PCDHGB5: variants seen among roughly 807,000 people sequenced by gnomAD.
PCDHGB5 encodes protocadherin gamma-B5.
In PCDHGB5, 48 loss-of-function variants were observed where a neutral mutation model predicts 62.9. That is an observed-to-expected ratio of 0.76 (90% CI 0.61 to 0.97). The LOEUF (loss-of-function observed/expected upper bound fraction) is 0.97, where lower values mean the gene tolerates loss of function less well. Ranked by LOEUF, PCDHGB5 falls within the 50% of genes least tolerant of loss-of-function variation. The pLI is 0.00. For missense variants in PCDHGB5, 1,118 were observed against 1,198.6 expected, an observed-to-expected ratio of 0.93 and a Z score of 0.99; for synonymous variants, 474 against 511.2, an observed-to-expected ratio of 0.93 and a Z score of 0.98.
intron 1 of PCDHGB5, among the ~76,000 whole-genome samples, chr5:141,462,069 C>T (rs555164288): frequency 4.3e-4 from 65 of 151,850 alleles, no homozygotes; most frequent in Non-Finnish European, 7.5e-4. Context: ...GTGATCTGCC[C>T]GCCTTGGCCT....
At chr5:141,413,012 A>T in intron 1 of PCDHGB5, 1 of 657,714 alleles carries the variant, frequency 1.5e-6, no homozygotes, top group Non-Finnish European at 2.5e-6. Context: ...GGCTTCAACT[A>T]CACAAGCCCC....
chr5:141,507,397 AC>A (rs1163501030), intron 3 of PCDHGB5: 1 of 152,144 alleles, frequency 6.6e-6, no homozygotes. Flanking sequence ...TGGCAACTCT[AC>A]CCCAGATGTC....
chr5:141,473,235 C>T (rs1322325327), intron 1 of PCDHGB5, among the ~76,000 whole-genome samples: 1 of 152,132 alleles, frequency 6.6e-6, no homozygotes, highest in Non-Finnish European at 1.5e-5. Flanking sequence ...TGGATCCACA[C>T]AAGTGAATAC....
At chr5:141,496,076 C>A (rs2099765713) in intron 2 of PCDHGB5, among the ~76,000 whole-genome samples, 1 of 152,010 alleles carries the variant, frequency 6.6e-6, no homozygotes, top group Non-Finnish European at 1.5e-5. Context: ...GCACACACAA[C>A]CCCCCACCCA....
chr5:141,500,394 A>G (rs1024641290), intron 2 of PCDHGB5, among the ~76,000 whole-genome samples: 1 of 151,922 alleles, frequency 6.6e-6, no homozygotes, highest in Non-Finnish European at 1.5e-5. Flanking sequence ...TATTTTTAGT[A>G]GAGACGGGGT....
intron 3 of PCDHGB5, among the ~76,000 whole-genome samples, chr5:141,507,817 G>C (rs1038461861): frequency 3.3e-5 from 5 of 152,206 alleles, no homozygotes; most frequent in Non-Finnish European, 5.9e-5. Context: ...AACGGACCCT[G>C]GGGGTGGAGG....
At chr5:141,473,942 G>A (rs1419813166) in intron 1 of PCDHGB5, among the ~76,000 whole-genome samples, 3 of 152,124 alleles carry the variant, frequency 2.0e-5, no homozygotes, top group Non-Finnish European at 2.9e-5. Flanking sequence ...AGTAGCTCAG[G>A]CCTGTAGTCC....
At position 141,491,305 on chromosome 5, in the gene PCDHGB5, G is replaced by T. The variant is rs1461861151; in HGVS notation, c.2398-3502G>T. 6.2e-7 allele frequency: 1 copy of T among 1,614,176 alleles called. No homozygotes were observed. Among genetic ancestry groups the T allele is most frequent in the African/African-American group, 1.3e-5 (1 of 75,048 alleles). ...CCTCATACACCCTCCTGAGCGTTCA[G>T]ACCTTACCCTTTACCTCATTGTGGC... On this transcript the variant is annotated intron_variant, in intron 1 of 3. Coordinates refer to ENST00000617380, the MANE Select transcript of PCDHGB5 (RefSeq NM_018925.3). This position sits in a 1 kb window ranked among gnomAD's most constrained non-coding sequence, Gnocchi z 6.9.
In PCDHGB5 at chr5:141,431,788, T is replaced by G. The variant is rs775397713; in HGVS notation, c.2397+31264T>G. 1 of 1,614,190 alleles carries G rather than the reference T, an allele frequency of 6.2e-7. No homozygotes were observed. The highest frequency in any genetic ancestry group is 1.1e-5 in the South Asian group (1 of 91,080). ...TCACTGTTCTGGACGTGAACGACAA[T>G]GCCCCAGAAGTGGTCCTCACCTCTC... On this transcript the variant is annotated intron_variant, in intron 1 of 3. Coordinates refer to ENST00000617380, the MANE Select transcript of PCDHGB5 (RefSeq NM_018925.3). The surrounding 1 kb of genome is among the most constrained non-coding windows in gnomAD (Gnocchi z 4.8).
intron 1 of PCDHGB5, chr5:141,403,212 CG>C (rs1561686781): frequency 6.2e-7 from 1 of 1,613,952 alleles, no homozygotes; most frequent in African/African-American, 1.3e-5. Context: ...TTGGTCACCG[CG>C]GGTAGGATAG....
intron 1 of PCDHGB5, among the ~76,000 whole-genome samples, chr5:141,475,007 G>A (rs1017671344): frequency 2.0e-5 from 3 of 152,178 alleles, no homozygotes; most frequent in East Asian, 1.9e-4. Flanking sequence ...ATGCAGAAAA[G>A]TTAAGGCTCT....
At chr5:141,429,388 A>T (rs6890453) in intron 1 of PCDHGB5, among the ~76,000 whole-genome samples, 24,714 of 140,916 alleles carry the variant, frequency 0.18, 2,276 homozygotes, top group African/African-American at 0.28. Flanking sequence ...TTTTTTTTTT[A>T]AAAAAAATTG....
chr5:141,481,835 C>T (rs892868552), intron 1 of PCDHGB5, among the ~76,000 whole-genome samples: 5 of 149,932 alleles, frequency 3.3e-5, no homozygotes, highest in Non-Finnish European at 7.4e-5. Flanking sequence ...GCAGGAGAAT[C>T]GCTTGATGGT....
chr5:141,480,533 G>A (rs2099521308), intron 1 of PCDHGB5, among the ~76,000 whole-genome samples: 1 of 127,758 alleles, frequency 7.8e-6, no homozygotes, highest in African/African-American at 3.6e-5. Flanking sequence ...CAAAGTAGAA[G>A]CACATATGAA....
intron 1 of PCDHGB5, chr5:141,413,935 A>T: frequency 6.2e-7 from 1 of 1,613,372 alleles, no homozygotes; most frequent in Non-Finnish European, 8.5e-7. Flanking sequence ...ATACCGAGTG[A>T]GTGTTCCTGA....
Position 141,399,750 on chromosome 5 carries a change from C to A in PCDHGB5, c.1623C>A (p.Asn541Lys). 6.2e-7 allele frequency: 1 copy of A among 1,613,330 alleles called. No homozygotes were observed. Among genetic ancestry groups the A allele is most frequent in the Non-Finnish European group, 8.5e-7 (1 of 1,179,812 alleles). Reference sequence around the variant, plus strand: ...AGGGCTCGCCTGCGCTCAGCGCAAACGTGAGCCTGCGCGTGTTGGTGGGCG... The same window carrying A: ...AGGGCTCGCCTGCGCTCAGCGCAAAAGTGAGCCTGCGCGTGTTGGTGGGCG... ...RDQGSPALSANVSLRVLVGDR... is the reference protein window; with the variant it reads ...RDQGSPALSAKVSLRVLVGDR... The change falls in exon 1 of 4, where the codon AAC becomes AAA. Residue 541 changes from asparagine to lysine, a missense_variant. This residue lies in a region of PCDHGB5 where 1,034 missense variants were observed against 1,029.1 expected (regional missense o/e 1.00). Coordinates refer to ENST00000617380, the MANE Select transcript of PCDHGB5 (RefSeq NM_018925.3).
intron 1 of PCDHGB5, among the ~76,000 whole-genome samples, chr5:141,463,809 T>G (rs964935762): frequency 1.3e-5 from 2 of 152,216 alleles, no homozygotes; most frequent in African/African-American, 4.8e-5. Context: ...TAAAAGCTTT[T>G]ATCACACATT....
At chr5:141,507,443 G>A (rs2099860678) in intron 3 of PCDHGB5, among the ~76,000 whole-genome samples, 2 of 152,200 alleles carry the variant, frequency 1.3e-5, no homozygotes. Flanking sequence ...TACAGCTGAC[G>A]GAAGGACAGA....
At chr5:141,419,419 C>T (rs767018815) in intron 1 of PCDHGB5, 1 of 1,613,266 alleles carries the variant, frequency 6.2e-7, no homozygotes, top group Non-Finnish European at 8.5e-7. Flanking sequence ...AGCGCGCCTT[C>T]GACCACGAGC....
Sources: gnomAD v4.1 joint callset for allele counts (sites outside exome capture counted in the v4.1 genomes callset) on GRCh38, gnomAD v4.1.1 for gene constraint, gnomAD v4.1.1 regional missense constraint, Gnocchi (gnomAD v3.1) non-coding constraint, MANE v1.5 for transcripts, NCBI Gene and HGNC (gene_info 2026-07-23, HGNC 2026-07-21) for gene names.